The following TYW1 variants were observed in gnomAD, a reference collection of about 807,000 sequenced individuals.
TYW1 encodes S-adenosyl-L-methionine-dependent tRNA 4-demethylwyosine synthase TYW1.
Under a neutral mutation model 96.2 loss-of-function variants are expected in TYW1, and 46 were observed. That is an observed-to-expected ratio of 0.48 (90% confidence interval 0.38 to 0.61). The LOEUF (loss-of-function observed/expected upper bound fraction) is 0.61. Ranked by LOEUF, TYW1 falls within the 20% of genes least tolerant of loss-of-function variation. The pLI is 0.00. For missense variants in TYW1, 684 were observed against 909.6 expected, an observed-to-expected ratio of 0.75 and a Z score of 3.19; for synonymous variants, 274 against 323.0, an observed-to-expected ratio of 0.85 and a Z score of 1.63.
At chr7:67,024,766 G>A in intron 6 of TYW1, 134 bp from the exon 7 acceptor site, 1 of 1,376,888 alleles carries the variant, frequency 7.3e-7, no homozygotes. Context: ...GGGCGACAGA[G>A]CGAGACCCTG....
At chr7:67,199,343 G>T (rs1461317236) in intron 15 of TYW1, among the ~76,000 whole-genome samples, 2 of 152,308 alleles carry the variant, frequency 1.3e-5, no homozygotes, top group East Asian at 3.9e-4. Flanking sequence ...GGTACCCGGT[G>T]TCCACATCTC....
At chr7:67,081,504 A>C (rs1796392250) in intron 10 of TYW1, among the ~76,000 whole-genome samples, 1 of 151,474 alleles carries the variant, frequency 6.6e-6, no homozygotes, top group African/African-American at 2.4e-5. Flanking sequence ...AAATGTGGGA[A>C]GTTTTCAGCT....
chr7:67,098,269 T>G (rs929716641), intron 11 of TYW1, among the ~76,000 whole-genome samples: 3 of 152,234 alleles, frequency 2.0e-5, no homozygotes, highest in African/African-American at 7.2e-5. Flanking sequence ...GCAAAGGGAC[T>G]TATTCTGCAT....
chr7:67,148,487 G>T lies in TYW1; in HGVS notation c.1698+30869G>T, dbSNP rs545044161. Among the ~76,000 whole-genome samples, 85 of 147,176 alleles carry T rather than the reference G, an allele frequency of 5.8e-4. 1 individual carries two copies. Among genetic ancestry groups the T allele is most frequent in the Middle Eastern group, 6.9e-3 (2 of 288 alleles). ...GTCTCCCAGGCTGGAGTGCAGTGGCGTGATCTCGGCTCACTGCAAGCTCCG... is the reference window on the plus strand; with the variant it reads ...GTCTCCCAGGCTGGAGTGCAGTGGCTTGATCTCGGCTCACTGCAAGCTCCG... On this transcript the variant is annotated intron_variant, in intron 13 of 15. Transcript: ENST00000359626.
At chr7:67,175,335 C>A (rs1487384293) in intron 13 of TYW1, among the ~76,000 whole-genome samples, 8 of 152,114 alleles carry the variant, frequency 5.3e-5, no homozygotes, top group Non-Finnish European at 1.2e-4. Flanking sequence ...TCATGCCCAG[C>A]TAATTTTGTA....
At chr7:67,101,834 A>G (rs977320398) in intron 12 of TYW1, among the ~76,000 whole-genome samples, 22 of 152,218 alleles carry the variant, frequency 1.4e-4, no homozygotes, top group African/African-American at 5.1e-4. Context: ...AGAGTTGATT[A>G]AAATTATTAG....
chr7:67,159,250 G>A (rs1187031504), intron 13 of TYW1, among the ~76,000 whole-genome samples: 1 of 152,068 alleles, frequency 6.6e-6, no homozygotes, highest in Non-Finnish European at 1.5e-5. Flanking sequence ...AAATAGCACT[G>A]CAAAAATTTA....
chr7:67,160,676 C>T (rs749549622), intron 13 of TYW1, among the ~76,000 whole-genome samples: 1 of 150,422 alleles, frequency 6.6e-6, no homozygotes, highest in Non-Finnish European at 1.5e-5. Flanking sequence ...ACTACCACCT[C>T]TGCCTCCCGG....
intron 12 of TYW1, among the ~76,000 whole-genome samples, chr7:67,112,022 C>T (rs1473349432): frequency 1.4e-5 from 2 of 144,198 alleles, no homozygotes; most frequent in Non-Finnish European, 3.0e-5. Flanking sequence ...TCGCTTGAAC[C>T]TGGGAGGCAG....
chr7:67,098,850 G>T, intron 12 of TYW1, 132 bp downstream of exon 12: 1 of 984,016 alleles, frequency 1.0e-6, no homozygotes, highest in South Asian at 1.9e-5. Flanking sequence ...GCTTTGGGAG[G>T]TGAAGATGGT....
chr7:67,108,214 C>T (rs1797298735), intron 12 of TYW1, among the ~76,000 whole-genome samples: 1 of 151,914 alleles, frequency 6.6e-6, no homozygotes, highest in South Asian at 2.1e-4. Context: ...GTTAAGCCCA[C>T]CAGAAACATA....
chr7:67,030,930 G>T (rs1331234308), intron 7 of TYW1, among the ~76,000 whole-genome samples: 1 of 152,094 alleles, frequency 6.6e-6, no homozygotes, highest in East Asian at 1.9e-4. Context: ...GCCTGGCACG[G>T]TGGCTCATGC....
intron 1 of TYW1, 87 bp downstream of exon 1, chr7:66,997,069 C>T: frequency 6.3e-7 from 1 of 1,595,776 alleles, no homozygotes; most frequent in Non-Finnish European, 8.5e-7. Flanking sequence ...GTGGCGTCCT[C>T]GGTCCCTTTC....
Position 67,018,141 on chromosome 7 carries a change from G to A in TYW1, c.859G>A (p.Glu287Lys), listed in dbSNP as rs1815059. Residue 287 changes from glutamate to lysine, a missense_variant and splice_region_variant, in exon 6 of 16, where the codon GAG becomes AAG. By Grantham distance (56) the Glu-to-Lys change is moderately conservative (BLOSUM62 1). Transcript: ENST00000359626. ...EQDELHHRDT[E>K]EEEPFESSSE... Reference sequence around the variant, plus strand: ...GGATGAATTGCATCATAGAGACACCGAGGTATACCGCCTGTGTGTTCATCT... The same window carrying A: ...GGATGAATTGCATCATAGAGACACCAAGGTATACCGCCTGTGTGTTCATCT... 17 of 1,611,888 alleles carry A rather than the reference G, an allele frequency of 1.1e-5. No homozygotes were observed. The highest frequency in any genetic ancestry group is 1.4e-5 in the Non-Finnish European group (17 of 1,178,242).
intron 13 of TYW1, among the ~76,000 whole-genome samples, chr7:67,160,749 G>A (rs1043179623): frequency 6.6e-6 from 1 of 151,390 alleles, no homozygotes; most frequent in Non-Finnish European, 1.5e-5. Flanking sequence ...CTGCCACCAT[G>A]CCCAGCTAAT....
At chr7:67,154,246 C>T (rs764396016) in intron 13 of TYW1, among the ~76,000 whole-genome samples, 8 of 152,134 alleles carry the variant, frequency 5.3e-5, no homozygotes, top group Non-Finnish European at 1.2e-4. Flanking sequence ...CTGATGGTTA[C>T]TTCCATTTGT....
chr7:67,193,860 G>GTA (rs1800303677), intron 14 of TYW1, among the ~76,000 whole-genome samples: 1 of 151,702 alleles, frequency 6.6e-6, no homozygotes, highest in African/African-American at 2.4e-5. Context: ...GTTTGTGTGT[G>GTA]TGTGTGTGTG....
At chr7:67,055,809 T>G in intron 8 of TYW1, 26 bp from the exon 9 acceptor site, 1 of 1,601,348 alleles carries the variant, frequency 6.2e-7, no homozygotes, top group East Asian at 2.2e-5. Context: ...TCAGTCCAAC[T>G]TTGTGTTCCC....
intron 5 of TYW1, among the ~76,000 whole-genome samples, chr7:67,015,701 G>C (rs138364600): frequency 6.6e-6 from 1 of 152,066 alleles, no homozygotes; most frequent in Non-Finnish European, 1.5e-5. Flanking sequence ...GGTGGCTCAC[G>C]CCTGTAATCC....
Sources: allele counts gnomAD v4.1 joint callset (sites outside exome capture counted in the v4.1 genomes callset), GRCh38; gene constraint gnomAD v4.1.1; transcripts MANE v1.5; gene names NCBI Gene and HGNC (gene_info 2026-07-23, HGNC 2026-07-21).